SEMA3A: variants seen among roughly 807,000 people sequenced by gnomAD.
SEMA3A encodes the protein semaphorin-3A.
SEMA3A carries 29 observed loss-of-function variants against 97.9 expected under a neutral mutation model. The ratio of observed to expected loss-of-function variants is 0.30; its 90% confidence interval spans 0.22 to 0.40. SEMA3A has a LOEUF of 0.40. SEMA3A is among the 10% of genes least tolerant of loss of function. The pLI is 1.00. For synonymous variants in SEMA3A, 321 were observed against 323.7 expected (o/e 0.99, Z 0.09); for missense variants, 763 against 951.3 (o/e 0.80, Z 2.60).
At chr7:84,011,722 G>A (rs1266048042) in intron 7 of SEMA3A, among the ~76,000 whole-genome samples, 1 of 152,010 alleles carries the variant, frequency 6.6e-6, no homozygotes, top group African/African-American at 2.4e-5. Context: ...AAATAATAAT[G>A]TATTATACAT....
chr7:84,255,564 T>A (rs1799699392), intron 3 of SEMA3A, among the ~76,000 whole-genome samples: 2 of 152,138 alleles, frequency 1.3e-5, no homozygotes, highest in Admixed American at 6.6e-5. Flanking sequence ...TGGTGAGTAT[T>A]TCTGGAGTCT....
intron 2 of SEMA3A, among the ~76,000 whole-genome samples, chr7:84,314,171 C>A (rs190824356): frequency 6.6e-6 from 1 of 152,010 alleles, no homozygotes; most frequent in Non-Finnish European, 1.5e-5. Flanking sequence ...ATATCCTAGA[C>A]ATTTTAATAG....
chr7:84,396,481 T>C (rs1803736614), intron 1 of SEMA3A, among the ~76,000 whole-genome samples: 1 of 151,940 alleles, frequency 6.6e-6, no homozygotes, highest in Non-Finnish European at 1.5e-5. Context: ...TAGGCTGGTA[T>C]CTCAGCAGCA....
intron 15 of SEMA3A, among the ~76,000 whole-genome samples, chr7:83,965,100 T>A (rs1276687614): frequency 2.3e-5 from 1 of 44,218 alleles, no homozygotes; most frequent in Non-Finnish European, 4.4e-5. Flanking sequence ...CTTTTTTGTA[T>A]TTTTTTTTTT....
At chr7:84,268,296 C>G (rs999092825) in intron 3 of SEMA3A, among the ~76,000 whole-genome samples, 1 of 114,372 alleles carries the variant, frequency 8.7e-6, no homozygotes, top group Non-Finnish European at 1.9e-5. Flanking sequence ...TGTGTGTGTG[C>G]AGGTGCTCTG....
At chr7:84,037,657 A>C (rs963001650) in intron 6 of SEMA3A, among the ~76,000 whole-genome samples, 9 of 152,144 alleles carry the variant, frequency 5.9e-5, no homozygotes, top group Non-Finnish European at 1.2e-4. Flanking sequence ...AAGTAATAAA[A>C]ACCATACTTC....
chr7:84,262,675 A>G lies in SEMA3A; in HGVS notation c.-83+44532T>C, dbSNP rs192587325. Among the ~76,000 whole-genome samples, 284 of 152,370 alleles carry G rather than the reference A, an allele frequency of 1.9e-3. 1 individual carries two copies. The highest frequency in any genetic ancestry group is 8.1e-4 in the Non-Finnish European group (55 of 68,036). ...CTTCTATATCTGTAAACTTATAGAT[A>G]TATGGGTGACAAAAAAGCTTTCTTA... On this transcript the variant is annotated intron_variant, in intron 3 of 3. Coordinates refer to the SEMA3A transcript ENST00000424555.
At chr7:84,407,313 A>G (rs955832061) in intron 1 of SEMA3A, among the ~76,000 whole-genome samples, 1 of 152,194 alleles carries the variant, frequency 6.6e-6, no homozygotes, top group Non-Finnish European at 1.5e-5. Flanking sequence ...AGAGAATACA[A>G]TGCCTAGGAA....
chr7:84,194,444 G>T, intron 1 of SEMA3A, 31 bp downstream of exon 1: 2 of 1,442,878 alleles, frequency 1.4e-6, no homozygotes, highest in Non-Finnish European at 1.9e-6. Flanking sequence ...TTATTACAAA[G>T]CTAACCAAAT....
At chr7:84,138,088 A>G (rs753798152) in intron 1 of SEMA3A, among the ~76,000 whole-genome samples, 10 of 151,936 alleles carry the variant, frequency 6.6e-5, no homozygotes, top group Admixed American at 1.3e-4. Flanking sequence ...TAGAACAAGC[A>G]TTTCCTAGTA....
At chr7:84,039,365 A>G (rs1021706781) in intron 6 of SEMA3A, among the ~76,000 whole-genome samples, 1 of 152,132 alleles carries the variant, frequency 6.6e-6, no homozygotes, top group Non-Finnish European at 1.5e-5. Flanking sequence ...CCATGAAGAG[A>G]TTCATTAGTT....
At chr7:84,435,384 C>T (rs775005832) in intron 1 of SEMA3A, among the ~76,000 whole-genome samples, 7 of 152,006 alleles carry the variant, frequency 4.6e-5, no homozygotes, top group Non-Finnish European at 7.4e-5. Flanking sequence ...CCAACATGGG[C>T]GGATCACGAG....
At chr7:84,374,685 G>C (rs971815113) in intron 1 of SEMA3A, among the ~76,000 whole-genome samples, 2 of 152,352 alleles carry the variant, frequency 1.3e-5, no homozygotes, top group African/African-American at 4.8e-5. Context: ...TCTTTTAAGA[G>C]AGAAGAGTTG....
Position 83,963,352 on chromosome 7 carries a change from C to T in SEMA3A, c.1718-5G>A, listed in dbSNP as rs372698011. Reference sequence around the variant, plus strand: ...GGCTGTGGCCATGGTGATTATCTGGCCAGTGATGAGAAAATGCAATGAGAA... The same window carrying T: ...GGCTGTGGCCATGGTGATTATCTGGTCAGTGATGAGAAAATGCAATGAGAA... On this transcript the variant is annotated splice_region_variant and splice_polypyrimidine_tract_variant and intron_variant, in intron 15 of 16. Coordinates refer to ENST00000265362, the MANE Select transcript of SEMA3A (RefSeq NM_006080.3). 9.0e-5 allele frequency: 145 copies of T among 1,605,712 alleles called. 1 individual carries two copies. The African/African-American group carries it at 9.4e-4, about 10-fold the overall frequency.
chr7:84,197,438 G>T (rs1303705152), upstream of SEMA3A, among the ~76,000 whole-genome samples: 1 of 152,060 alleles, frequency 6.6e-6, no homozygotes, highest in East Asian at 1.9e-4. Flanking sequence ...TAATTCAAAT[G>T]TTAAATAAAA....
chr7:83,977,294 A>ATG, intron 14 of SEMA3A, 98 bp from the exon 15 acceptor site: 1 of 499,716 alleles, frequency 2.0e-6, no homozygotes, highest in Non-Finnish European at 3.3e-6. Context: ...ATATATATAT[A>ATG]TCATAGACTC....
At chr7:84,472,167 A>T (rs1198991902) in intron 1 of SEMA3A, among the ~76,000 whole-genome samples, 3 of 152,120 alleles carry the variant, frequency 2.0e-5, no homozygotes, top group Non-Finnish European at 4.4e-5. Flanking sequence ...ACATGTCCAT[A>T]TAAGTAAAAG....
At chr7:84,111,340 T>G (rs1795271817) in intron 3 of SEMA3A, among the ~76,000 whole-genome samples, 1 of 152,160 alleles carries the variant, frequency 6.6e-6, no homozygotes, top group African/African-American at 2.4e-5. Context: ...TCATTCTCTA[T>G]GACTTGCCAC....
chr7:84,040,647 A>G (rs1045099021), intron 6 of SEMA3A, among the ~76,000 whole-genome samples: 2 of 152,062 alleles, frequency 1.3e-5, no homozygotes, highest in African/African-American at 4.8e-5. Flanking sequence ...TTCTCTTGGT[A>G]AATCTCTTGC....
Sources: allele counts gnomAD v4.1 joint callset (sites outside exome capture counted in the v4.1 genomes callset), GRCh38; gene constraint gnomAD v4.1.1; transcripts MANE v1.5; gene names NCBI Gene and HGNC (gene_info 2026-07-23, HGNC 2026-07-21).